The following DHRSX variants were observed in gnomAD, a reference collection of about 807,000 sequenced individuals.
DHRSX encodes the protein polyprenol dehydrogenase.
Under a neutral mutation model 34.0 loss-of-function variants are expected in DHRSX, and 31 were observed. That is an observed-to-expected ratio of 0.91 (90% CI 0.69 to 1.23). DHRSX has a LOEUF of 1.23. Ranked by LOEUF, DHRSX falls within the 50% of genes most tolerant of loss-of-function variation. The pLI is 0.00. For missense variants in DHRSX, 414 were observed against 428.1 expected, an observed-to-expected ratio of 0.97 and a Z score of 0.29; for synonymous variants, 201 against 183.8, an observed-to-expected ratio of 1.09 and a Z score of -0.76.
chrX:2,347,803 G>A (rs1039055482), intron 3 of DHRSX, among the ~76,000 whole-genome samples: 3 of 152,202 alleles, frequency 2.0e-5, no homozygotes, highest in Non-Finnish European at 4.4e-5. Flanking sequence ...CCATAATGCG[G>A]TGTCCAGCAA....
chrX:2,263,946 T>G (rs1297876839), intron 5 of DHRSX, among the ~76,000 whole-genome samples: 1 of 152,196 alleles, frequency 6.6e-6, no homozygotes, highest in Non-Finnish European at 1.5e-5. Context: ...ACATTGCGTG[T>G]CGACAGGAGT....
At chrX:2,324,200 A>T (rs1010289228) in intron 3 of DHRSX, among the ~76,000 whole-genome samples, 3 of 152,130 alleles carry the variant, frequency 2.0e-5, no homozygotes, top group African/African-American at 7.2e-5. Flanking sequence ...AGAAGGACCC[A>T]TTTCCCTCCA....
chrX:2,497,855 G>C (rs1049396977), intron 1 of DHRSX, among the ~76,000 whole-genome samples: 2 of 152,116 alleles, frequency 1.3e-5, no homozygotes, highest in Admixed American at 1.3e-4. Flanking sequence ...ACAGATTTCA[G>C]GCCATATCAA....
At chrX:2,452,458 C>T (rs1242809306) in intron 1 of DHRSX, among the ~76,000 whole-genome samples, 3 of 151,800 alleles carry the variant, frequency 2.0e-5, no homozygotes, top group African/African-American at 7.3e-5. Context: ...GATAAGGGAC[C>T]TCCGCCATGT....
At chrX:2,321,500 G>T (rs1250008221) in intron 3 of DHRSX, among the ~76,000 whole-genome samples, 1 of 146,690 alleles carries the variant, frequency 6.8e-6, no homozygotes, top group African/African-American at 2.4e-5. Flanking sequence ...ACATCAGGTC[G>T]TGAAGGTGGG....
intron 1 of DHRSX, among the ~76,000 whole-genome samples, chrX:2,470,746 G>A (rs2044578393): frequency 6.6e-6 from 1 of 152,062 alleles, no homozygotes; most frequent in Non-Finnish European, 1.5e-5. Flanking sequence ...TTTTCAGTTA[G>A]ATAAAACAAA....
rs770618621 is a variant in DHRSX, at chrX:2,426,461, T to C, written c.110-1157A>G. Among the ~76,000 whole-genome samples the C allele has an allele frequency of 3.4e-5, 5 of 146,766 alleles. No homozygotes were observed. The South Asian group carries it at 1.1e-3, about 33-fold the overall frequency. ...TTCTTTCCTTCCCTCCCTCTTTCCT[T>C]CCCTCCCTCCTTCCTTCCTTCCCTC... On this transcript the variant is annotated intron_variant, in intron 1 of 6. Coordinates refer to ENST00000334651, the MANE Select transcript of DHRSX (RefSeq NM_145177.3).
At chrX:2,471,094 C>T (rs754912280) in intron 1 of DHRSX, among the ~76,000 whole-genome samples, 15 of 152,070 alleles carry the variant, frequency 9.9e-5, no homozygotes, top group East Asian at 1.9e-4. Context: ...CTTTTTTTAA[C>T]GAAAAATGAA....
At chrX:2,463,726 G>T (rs1307671826) in intron 1 of DHRSX, among the ~76,000 whole-genome samples, 1 of 152,208 alleles carries the variant, frequency 6.6e-6, no homozygotes, top group Non-Finnish European at 1.5e-5. Flanking sequence ...GAGCAGGCTG[G>T]CTGCGTCTCT....
chrX:2,403,954 T>G (rs1400029785), intron 3 of DHRSX, among the ~76,000 whole-genome samples: 3 of 152,182 alleles, frequency 2.0e-5, no homozygotes, highest in Non-Finnish European at 2.9e-5. Context: ...TATAAATCAT[T>G]GTTTCTTGGC....
intron 1 of DHRSX, among the ~76,000 whole-genome samples, chrX:2,437,440 C>T (rs1170782033): frequency 6.6e-6 from 1 of 152,024 alleles, no homozygotes; most frequent in Admixed American, 6.6e-5. Context: ...CCCGTCTCTA[C>T]TAAAAATACA....
rs770388610 is a variant in DHRSX at position 2,269,648 on chromosome X, T to C, written c.389-2701A>G. Among the ~76,000 whole-genome samples, 640 of 152,296 alleles carry C rather than the reference T, an allele frequency of 4.2e-3. 5 individuals carry two copies. The highest frequency in any genetic ancestry group is 5.8e-3 in the Non-Finnish European group (396 of 68,022). On this transcript the variant is annotated intron_variant, in intron 4 of 6. Coordinates refer to ENST00000334651, the MANE Select transcript of DHRSX (RefSeq NM_145177.3). ...GCCTCCCAGGTTCAAGCAATTTTCC[T>C]GCCTTAGCCTCCCGAGTAGCTGGGA...
At chrX:2,458,839 A>T (rs1440702776) in intron 1 of DHRSX, among the ~76,000 whole-genome samples, 3 of 150,566 alleles carry the variant, frequency 2.0e-5, no homozygotes, top group Non-Finnish European at 4.4e-5. Flanking sequence ...CTCTAAAAAT[A>T]AAAAAAAATG....
chrX:2,490,004 G>A, intron 1 of DHRSX: 1 of 1,613,884 alleles, frequency 6.2e-7, no homozygotes, highest in Non-Finnish European at 8.5e-7. Context: ...GTTCTCTTCG[G>A]GCACCTCGAA....
intron 3 of DHRSX, among the ~76,000 whole-genome samples, chrX:2,397,172 T>C (rs1470884006): frequency 6.6e-6 from 1 of 151,650 alleles, no homozygotes; most frequent in Non-Finnish European, 1.5e-5. Flanking sequence ...CTAATTTTTT[T>C]ATTTAGTTGT....
rs2041380706 is a variant in DHRSX, at chrX:2,262,722, C to T, written c.596+4018G>A. The stretch of plus-strand genomic sequence containing the variant: ...CCTGCACAGCCCGGTGCTTCTTCAG[C>T]TGCCCGGAGAAGATGAAGTCCTGGC... On this transcript the variant is annotated intron_variant, in intron 5 of 6. Coordinates refer to ENST00000334651, the MANE Select transcript of DHRSX (RefSeq NM_145177.3). 6.6e-5 allele frequency among the ~76,000 whole-genome samples: 10 copies of T among 152,246 alleles called. No individual in the cohort carries two copies. The South Asian group carries it at 1.9e-3, about 28-fold the overall frequency.
intron 6 of DHRSX, among the ~76,000 whole-genome samples, chrX:2,229,136 T>C (rs1317954782): frequency 6.6e-6 from 1 of 152,146 alleles, no homozygotes; most frequent in African/African-American, 2.4e-5. Flanking sequence ...CTGAGAGAGA[T>C]CTGAGGGCAC....
chrX:2,354,187 A>C (rs951250466), intron 3 of DHRSX, among the ~76,000 whole-genome samples: 1 of 152,108 alleles, frequency 6.6e-6, no homozygotes, highest in African/African-American at 2.4e-5. Flanking sequence ...GGTTCCAGCC[A>C]CTGGAAACAC....
intron 6 of DHRSX, among the ~76,000 whole-genome samples, chrX:2,239,700 C>T (rs764246559): frequency 3.9e-5 from 6 of 152,024 alleles, no homozygotes; most frequent in African/African-American, 7.2e-5. Context: ...ACCTGGGAGG[C>T]GGAGCTTGCA....
Sources: allele counts gnomAD v4.1 joint callset (sites outside exome capture counted in the v4.1 genomes callset), GRCh38; gene constraint gnomAD v4.1.1; transcripts MANE v1.5; gene names NCBI Gene and HGNC (gene_info 2026-07-23, HGNC 2026-07-21).